RPS6KL1: variants seen among roughly 807,000 people sequenced by gnomAD.
The protein encoded by RPS6KL1 is ribosomal protein S6 kinase like 1, also known as ribosomal protein S6 kinase-like 1.
Under a neutral mutation model 57.0 loss-of-function variants are expected in RPS6KL1, and 41 were observed. The ratio of observed to expected loss-of-function variants is 0.72; its 90% CI spans 0.56 to 0.93. The LOEUF (loss-of-function observed/expected upper bound fraction) is 0.93. Ranked by LOEUF, RPS6KL1 falls within the 40% of genes least tolerant of loss-of-function variation. The probability of loss-of-function intolerance (pLI) is 0.00; values close to 1 mark genes in which losing one functional copy is unlikely to be tolerated. For synonymous variants in RPS6KL1, 287 were observed against 309.7 expected (o/e 0.93, Z 0.77); for missense variants, 697 against 727.7 (o/e 0.96, Z 0.49).
At chr14:74,915,381 C>T (rs1886666487) in intron 5 of RPS6KL1, among the ~76,000 whole-genome samples, 1 of 152,168 alleles carries the variant, frequency 6.6e-6, no homozygotes, top group Non-Finnish European at 1.5e-5. Context: ...GAAGGCAGTT[C>T]TGAGTGCTTT....
At chr14:74,911,218 G>A (rs1364398192) in intron 7 of RPS6KL1, 30 bp downstream of exon 7, 6 of 1,606,166 alleles carry the variant, frequency 3.7e-6, no homozygotes, top group Non-Finnish European at 3.4e-6. Context: ...AAGGCCTGGG[G>A]AGCTGACAGG....
chr14:74,921,714 C>T, intron 2 of RPS6KL1, 153 bp from the exon 3 acceptor site: 1 of 1,432,116 alleles, frequency 7.0e-7, no homozygotes, highest in Non-Finnish European at 9.1e-7. Flanking sequence ...TTCATGGATC[C>T]AGGTCCTTCC....
chr14:74,906,971 G>A lies in RPS6KL1; in HGVS notation c.*43C>T, dbSNP rs773370312. The A allele has an allele frequency of 8.2e-6, 12 of 1,464,212 alleles. No homozygotes were observed. Among genetic ancestry groups the A allele is most frequent in the South Asian group, 1.2e-5 (1 of 84,940 alleles). 90.7% of individuals were successfully genotyped at this position (1,464,212 alleles called of 1,614,324 possible). A position where few individuals can be genotyped will look rare whatever the true frequency, so the allele number is the denominator to read the frequency against. On this transcript the variant is annotated 3_prime_UTR_variant, in exon 12 of 12. Transcript: ENST00000557413. ...TGGGTGTCAGGCAAGGAGGAGAGGC[G>A]ATCCAGACCAGGCCAGCTGCTTCCG... is the stretch of plus-strand genomic sequence containing the variant.
In RPS6KL1 at chr14:74,918,494, C is replaced by T. The variant is rs899234254; in HGVS notation, c.483+19G>A. On this transcript the variant is annotated intron_variant, in intron 5 of 11. Coordinates refer to ENST00000557413, the MANE Select transcript of RPS6KL1 (RefSeq NM_031464.5). ...CATACACTGTCTCCCTCCTGCAAGGCGAGTGTCCACTCACTCACCTTCTCG... is the reference window on the plus strand; with the variant it reads ...CATACACTGTCTCCCTCCTGCAAGGTGAGTGTCCACTCACTCACCTTCTCG... 38 of 1,485,170 alleles carry T rather than the reference C, an allele frequency of 2.6e-5. No individual in the cohort carries two copies. The highest frequency in any genetic ancestry group is 1.6e-4 in the Admixed American group (8 of 49,290). The allele number at this position is 1,485,170 out of a possible 1,614,324, so 92.0% of individuals were successfully genotyped here.
intron 7 of RPS6KL1, 140 bp from the exon 8 acceptor site, chr14:74,910,288 C>T (rs1336088082): frequency 1.1e-6 from 1 of 914,380 alleles, no homozygotes; most frequent in African/African-American, 1.7e-5. Context: ...AGTTCAGCCC[C>T]TCACCTCTGC....
intron 8 of RPS6KL1, 126 bp downstream of exon 8, chr14:74,909,417 C>T: frequency 7.6e-7 from 1 of 1,320,354 alleles, no homozygotes. Context: ...CCTAGGCCCC[C>T]TGAAAGGCTG....
rs964832319 is a variant in RPS6KL1 at position 74,923,244 on chromosome 14, A to G, written c.-593T>C. 1.3e-5 allele frequency: 2 copies of G among 152,280 alleles called. No homozygotes were observed. The highest frequency in any genetic ancestry group is 2.1e-4 in the South Asian group (1 of 4,834). 9.4% of individuals were successfully genotyped at this position (152,280 alleles called of 1,614,324 possible). ...CCCTCACGTACCGGCCCTTCACGCC[A>G]GAGCGCGCCGCGGGCCGCTGCTTTC... is the stretch of plus-strand genomic sequence containing the variant. On this transcript the variant is annotated 5_prime_UTR_variant, in exon 1 of 12. Transcript: ENST00000557413.
chr14:74,910,869 GCT>G, intron 7 of RPS6KL1: 1 of 207,286 alleles, frequency 4.8e-6, no homozygotes, highest in East Asian at 1.1e-4. Flanking sequence ...CCAGGGCTCA[GCT>G]TTTTTTTTTT....
chr14:74,907,028 T>TG lies in RPS6KL1; in HGVS notation c.1635dup (p.Lys546GlnfsTer11). ...GCTCTGCCCTCTTACCCCACCAGCT[T>TG]GCTCCATTGGATGGTACTGAAAAAG... is the stretch of plus-strand genomic sequence containing the variant. On this transcript the variant is annotated frameshift_variant, in exon 12 of 12. Transcript: ENST00000557413. LOFTEE classifies it high-confidence loss of function. 1 of 1,611,884 alleles carries TG rather than the reference T, an allele frequency of 6.2e-7. No individual in the cohort carries two copies. Among genetic ancestry groups the TG allele is most frequent in the East Asian group, 2.2e-5 (1 of 44,866 alleles).
Position 74,922,216 on chromosome 14 carries a change from T to C in RPS6KL1, c.-259A>G. The C allele has an allele frequency of 1.0e-6, 1 of 987,174 alleles. No individual in the cohort carries two copies. 61.2% of individuals were successfully genotyped at this position (987,174 alleles called of 1,614,324 possible). Reference sequence around the variant, plus strand: ...TCACAGGGCCTCCGTAGAGCAAGCTTGGTATCCAGTACGCATTCAGCACAT... The same window carrying C: ...TCACAGGGCCTCCGTAGAGCAAGCTCGGTATCCAGTACGCATTCAGCACAT... On this transcript the variant is annotated 5_prime_UTR_variant, in exon 2 of 12. Coordinates refer to ENST00000557413, the MANE Select transcript of RPS6KL1 (RefSeq NM_031464.5).
chr14:74,919,996 C>T (rs202130659), intron 3 of RPS6KL1, 27 bp from the exon 4 acceptor site: 2 of 1,613,840 alleles, frequency 1.2e-6, no homozygotes, highest in African/African-American at 2.7e-5. Flanking sequence ...TCACCAGGGT[C>T]CCCAGCCATG....
rs1174672822 is a variant in RPS6KL1, at chr14:74,907,124, G to C, written c.1540C>G (p.Leu514Val). The part of the protein sequence containing the change: ...SRPAASLLTE[L>V]LQFEPTRRLG... The stretch of plus-strand genomic sequence containing the variant: ...CGCCGGGTAGGCTCGAACTGCAGCA[G>C]CTGCAGAGAGAGGCCCAGTCAGCTG... The change falls in exon 12 of 12, where the codon CTG becomes GTG. Residue 514 changes from leucine to valine, a missense_variant and splice_region_variant. Coordinates refer to ENST00000557413, the MANE Select transcript of RPS6KL1 (RefSeq NM_031464.5). 6.2e-7 allele frequency: 1 copy of C among 1,607,220 alleles called. No individual in the cohort carries two copies. Among genetic ancestry groups the C allele is most frequent in the Non-Finnish European group, 8.5e-7 (1 of 1,176,690 alleles).
rs1443494299 is a variant in RPS6KL1, at chr14:74,906,096, G to A, written c.*918C>T. 5.4e-6 allele frequency: 1 copy of A among 185,200 alleles called. No homozygotes were observed. Among genetic ancestry groups the A allele is most frequent in the Non-Finnish European group, 1.2e-5 (1 of 86,346 alleles). The allele number at this position is 185,200 out of a possible 1,614,324, so 11.5% of individuals were successfully genotyped here. A position where few individuals can be genotyped will look rare whatever the true frequency, so the allele number is the denominator to read the frequency against. ...GTTTTGTGGTTTCTTATCCCAAAAG[G>A]GCATGAAGTCACAGTAGGCAGTGAC... On this transcript the variant is annotated 3_prime_UTR_variant, in exon 12 of 12. Coordinates refer to ENST00000557413, the MANE Select transcript of RPS6KL1 (RefSeq NM_031464.5).
rs1885627407 is a variant in RPS6KL1, at chr14:74,909,931, T to C, written c.882A>G (p.Pro294=). 1 of 1,614,096 alleles carries C rather than the reference T, an allele frequency of 6.2e-7. No individual in the cohort carries two copies. Residue 294 remains proline, a synonymous_variant, in exon 8 of 12, where the codon CCA becomes CCG. Coordinates refer to ENST00000557413, the MANE Select transcript of RPS6KL1 (RefSeq NM_031464.5). ...SPNLLLAGEA[P]STRPQREAEG... is the part of the protein sequence containing the mutation. ...CAGCCTCCCTCTGGGGTCTGGTGGA[T>C]GGGGCCTCCCCAGCTAGGAGAAGGT...
At chr14:74,907,654 C>T (rs748491149) in intron 10 of RPS6KL1, 124 bp from the exon 11 acceptor site, 55 of 888,582 alleles carry the variant, frequency 6.2e-5, no homozygotes, top group Admixed American at 1.6e-4. Flanking sequence ...ATGATAGTTG[C>T]TACAGCCAGA....
In RPS6KL1 at chr14:74,922,309, C is replaced by T. The variant is rs928555239; in HGVS notation, c.-352G>A. 4.1e-6 allele frequency: 4 copies of T among 986,184 alleles called. No homozygotes were observed. Among genetic ancestry groups the T allele is most frequent in the South Asian group, 4.7e-5 (1 of 21,304 alleles). 61.1% of individuals were successfully genotyped at this position (986,184 alleles called of 1,614,324 possible). On this transcript the variant is annotated 5_prime_UTR_variant, in exon 2 of 12. Transcript: ENST00000557413. Reference sequence around the variant, plus strand: ...TTCCCTCCACCCTGCCTGTTGTCTCCTCCCTGCTCCTCCTGTGGGAATCTC... The same window carrying T: ...TTCCCTCCACCCTGCCTGTTGTCTCTTCCCTGCTCCTCCTGTGGGAATCTC...
chr14:74,917,692 C>G (rs1887080105), intron 5 of RPS6KL1, among the ~76,000 whole-genome samples: 1 of 152,014 alleles, frequency 6.6e-6, no homozygotes, highest in African/African-American at 2.4e-5. Context: ...CTTGTCTGCC[C>G]TGAATAAGGC....
chr14:74,921,195 G>T, intron 3 of RPS6KL1, 82 bp downstream of exon 3: 2 of 1,272,818 alleles, frequency 1.6e-6, no homozygotes. Flanking sequence ...AATGGACAGG[G>T]GACAAGACAG....
chr14:74,922,444 T>C lies in RPS6KL1; in HGVS notation c.-487A>G. The C allele has an allele frequency of 3.2e-6, 2 of 627,016 alleles. No individual in the cohort carries two copies. The highest frequency in any genetic ancestry group is 4.0e-6 in the Non-Finnish European group (2 of 501,620). The allele number at this position is 627,016 out of a possible 1,614,324, so 38.8% of individuals were successfully genotyped here. A position where few individuals can be genotyped will look rare whatever the true frequency, so the allele number is the denominator to read the frequency against. ...GTGGTCAGCGAGTGAGGACCCCTCC[T>C]GGAGCCAGCAGAGAGCAGAGCACAG... On this transcript the variant is annotated 5_prime_UTR_variant, in exon 2 of 12. Transcript: ENST00000557413.
Sources: allele counts gnomAD v4.1 joint callset (sites outside exome capture counted in the v4.1 genomes callset), GRCh38; gene constraint gnomAD v4.1.1; transcripts MANE v1.5; gene names NCBI Gene and HGNC (gene_info 2026-07-23, HGNC 2026-07-21).